Variants in SORBS2 observed in about 807,000 individuals in gnomAD.
SORBS2 encodes the protein sorbin and SH3 domain-containing protein 2.
A neutral mutation model predicts 97.7 loss-of-function variants in SORBS2; 46 were observed. The observed-to-expected ratio is 0.47, with a 90% CI of 0.37 to 0.60. SORBS2 has a LOEUF of 0.60. Among genes scored for constraint, SORBS2 ranks in the 20% least tolerant of loss-of-function variants. The pLI, the probability that SORBS2 is intolerant of heterozygous loss-of-function variation, is 0.00. For synonymous variants in SORBS2, 476 were observed against 473.4 expected, an observed-to-expected ratio of 1.01 and a Z score of -0.07; for missense variants, 1,316 against 1,282.3, an observed-to-expected ratio of 1.03 and a Z score of -0.40.
chr4:185,596,779 C>T (rs570171531), intron 12 of SORBS2, among the ~76,000 whole-genome samples: 5 of 152,184 alleles, frequency 3.3e-5, no homozygotes, highest in Admixed American at 6.5e-5. Context: ...GTGATCTTCC[C>T]GCCTTGGCCT....
At chr4:185,718,571 T>G (rs1315957821) in intron 2 of SORBS2, among the ~76,000 whole-genome samples, 2 of 152,206 alleles carry the variant, frequency 1.3e-5, no homozygotes, top group Non-Finnish European at 2.9e-5. Flanking sequence ...CCATGATAGG[T>G]GCACAGTTGG....
upstream of SORBS2, among the ~76,000 whole-genome samples, chr4:185,661,144 C>T (rs954558405): frequency 4.6e-5 from 7 of 151,794 alleles, no homozygotes; most frequent in East Asian, 5.9e-4. Context: ...GGTGCGGTGG[C>T]GGGCACCTGT....
intron 1 of SORBS2, among the ~76,000 whole-genome samples, chr4:185,947,672 T>C (rs6824274): frequency 0.82 from 125,272 of 152,072 alleles, 52,611 homozygotes; most frequent in East Asian, 0.94. Context: ...AGTGCAATGG[T>C]GTGGTCTAGC....
chr4:185,652,071 C>A (rs569971060), intron 2 of SORBS2, among the ~76,000 whole-genome samples: 1 of 152,174 alleles, frequency 6.6e-6, no homozygotes, highest in South Asian at 2.1e-4. Flanking sequence ...CCCCTGGGCT[C>A]AAATCATTCT....
intron 4 of SORBS2, among the ~76,000 whole-genome samples, chr4:185,670,905 A>C (rs2097703153): frequency 6.6e-6 from 1 of 152,154 alleles, no homozygotes; most frequent in African/African-American, 2.4e-5. Context: ...GGGAATTTGA[A>C]TTACGTGACA....
At chr4:185,778,675 G>C (rs1179089831) in intron 1 of SORBS2, among the ~76,000 whole-genome samples, 1 of 152,104 alleles carries the variant, frequency 6.6e-6, no homozygotes, top group Non-Finnish European at 1.5e-5. Context: ...CTGCATACGT[G>C]AACAGCTGAT....
intron 4 of SORBS2, among the ~76,000 whole-genome samples, chr4:185,643,163 C>A (rs1489262335): frequency 2.0e-5 from 3 of 152,234 alleles, no homozygotes; most frequent in African/African-American, 7.2e-5. Flanking sequence ...GAGCCTCCAA[C>A]CTAATGCAGA....
chr4:185,705,569 TAA>T (rs897518754), intron 2 of SORBS2, among the ~76,000 whole-genome samples: 1 of 151,364 alleles, frequency 6.6e-6, no homozygotes, highest in Admixed American at 6.6e-5. Context: ...AAATCAAAAA[TAA>T]AAAAAAATTC....
At chr4:185,729,531 C>G (rs554728803) in intron 2 of SORBS2, among the ~76,000 whole-genome samples, 1 of 152,226 alleles carries the variant, frequency 6.6e-6, no homozygotes, top group Non-Finnish European at 1.5e-5. Context: ...TCTGTAGCCA[C>G]GTGGATCTGT....
At position 185,744,478 on chromosome 4, in the gene SORBS2, T is replaced by C. The variant is rs535045143; in HGVS notation, c.-198+30749A>G. On this transcript the variant is annotated intron_variant, in intron 2 of 20. Transcript: ENST00000284776. ...ACTCTGCATCACGAAACGAGATCTATGGTTTTGGTTGAATTTCATAGAAGA... is the reference window on the plus strand; with the variant it reads ...ACTCTGCATCACGAAACGAGATCTACGGTTTTGGTTGAATTTCATAGAAGA... Among the ~76,000 whole-genome samples the C allele has an allele frequency of 3.9e-5, 6 of 152,348 alleles. No homozygotes were observed. In the East Asian group the frequency reaches 1.2e-3, roughly 29 times the overall value.
chr4:185,816,844 A>G (rs913067199), intron 1 of SORBS2, among the ~76,000 whole-genome samples: 1 of 152,252 alleles, frequency 6.6e-6, no homozygotes, highest in African/African-American at 2.4e-5. Flanking sequence ...AAGAACGTAA[A>G]CATCAGCAAT....
chr4:185,666,260 C>A, intron 4 of SORBS2: 5 of 972,036 alleles, frequency 5.1e-6, no homozygotes, highest in South Asian at 4.1e-5. Context: ...ACAAAAGTAC[C>A]TCTTTTTGCG....
At chr4:185,929,535 T>G (rs2099265402) in intron 1 of SORBS2, among the ~76,000 whole-genome samples, 1 of 150,960 alleles carries the variant, frequency 6.6e-6, no homozygotes, top group South Asian at 2.1e-4. Flanking sequence ...GTTGGGTTTT[T>G]TTTTTTTTTT....
At chr4:185,646,896 C>T in intron 3 of SORBS2, 114 bp from the exon 13 acceptor site, 1 of 653,050 alleles carries the variant, frequency 1.5e-6, no homozygotes. Context: ...AAAAAAATCT[C>T]TCAGGATAAA....
intron 12 of SORBS2, among the ~76,000 whole-genome samples, chr4:185,610,742 T>G (rs1299645137): frequency 6.6e-6 from 1 of 152,168 alleles, no homozygotes; most frequent in Non-Finnish European, 1.5e-5. Flanking sequence ...ATCTGATATG[T>G]TGATTTTATT....
intron 11 of SORBS2, 67 bp downstream of exon 23, chr4:185,614,764 C>A: frequency 6.4e-7 from 1 of 1,559,038 alleles, no homozygotes; most frequent in Admixed American, 2.0e-5. Context: ...TGAAAATATA[C>A]AGCCTTTTCA....
chr4:185,641,330 T>C (rs183670800), intron 4 of SORBS2, among the ~76,000 whole-genome samples: 24 of 152,264 alleles, frequency 1.6e-4, no homozygotes, highest in Admixed American at 1.2e-3. Context: ...TATCGATAAC[T>C]TTGGAATGCA....
chr4:185,634,088 TA>T (rs1457699972), intron 4 of SORBS2, among the ~76,000 whole-genome samples: 1 of 152,224 alleles, frequency 6.6e-6, no homozygotes, highest in African/African-American at 2.4e-5. Context: ...CTGAATTCAA[TA>T]ACCCAGAATG....
chr4:185,914,938 T>C (rs1224813789), intron 1 of SORBS2, among the ~76,000 whole-genome samples: 2 of 152,226 alleles, frequency 1.3e-5, no homozygotes, highest in Non-Finnish European at 2.9e-5. Flanking sequence ...GGAGAAAGCC[T>C]GGGTTATGTC....
Sources: allele counts gnomAD v4.1 joint callset (sites outside exome capture counted in the v4.1 genomes callset), GRCh38; gene constraint gnomAD v4.1.1; transcripts MANE v1.5; gene names NCBI Gene and HGNC (gene_info 2026-07-23, HGNC 2026-07-21).